DGLUCY: variants seen among roughly 807,000 people sequenced by gnomAD.
The protein encoded by DGLUCY is D-glutamate cyclase, mitochondrial.
In DGLUCY, 58 loss-of-function variants were observed where a neutral mutation model predicts 58.5. The observed-to-expected ratio is 0.99, with a 90% CI of 0.80 to 1.23. DGLUCY has a LOEUF of 1.23. Ranked by LOEUF, DGLUCY falls within the 50% of genes most tolerant of loss-of-function variation. The pLI is 0.00. For synonymous variants in DGLUCY, 325 were observed against 314.1 expected, an observed-to-expected ratio of 1.03 and a Z score of -0.37; for missense variants, 779 against 784.7, an observed-to-expected ratio of 0.99 and a Z score of 0.09.
intron 1 of DGLUCY, among the ~76,000 whole-genome samples, chr14:91,065,523 A>T (rs1215118729): frequency 3.9e-5 from 6 of 152,028 alleles, no homozygotes; most frequent in African/African-American, 1.2e-4. Flanking sequence ...AACAAAACAA[A>T]AATCTCCACC....
At chr14:91,218,394 T>C (rs911410245) in intron 13 of DGLUCY, among the ~76,000 whole-genome samples, 2 of 129,646 alleles carry the variant, frequency 1.5e-5, no homozygotes, top group Non-Finnish European at 3.3e-5. Context: ...ATAAAGAACA[T>C]AAAATGGGGA....
At chr14:91,076,564 A>T (rs1289492151) in intron 1 of DGLUCY, among the ~76,000 whole-genome samples, 1 of 152,130 alleles carries the variant, frequency 6.6e-6, no homozygotes, top group Non-Finnish European at 1.5e-5. Flanking sequence ...TGAGTGTTCC[A>T]ATAGGAACCT....
intron 1 of DGLUCY, among the ~76,000 whole-genome samples, chr14:91,155,656 C>T (rs1448716021): frequency 1.3e-5 from 2 of 151,966 alleles, no homozygotes; most frequent in Non-Finnish European, 2.9e-5. Flanking sequence ...ATTAGATGGG[C>T]GTGGTGGTGC....
chr14:91,087,772 C>T lies in DGLUCY; in HGVS notation c.-82+27068C>T, dbSNP rs138876420. 7.2e-5 allele frequency among the ~76,000 whole-genome samples: 11 copies of T among 152,254 alleles called. No individual in the cohort carries two copies. The East Asian group carries it at 1.5e-3, about 21-fold the overall frequency. ...GTGGACGCGTCAGGTTATAAATGAC[C>T]CTGTCTCCTTTGTTCAGTGTACTCT... On this transcript the variant is annotated intron_variant, in intron 1 of 4. Transcript: ENST00000521334.
At chr14:91,209,810 G>A (rs1410760415) in intron 12 of DGLUCY, among the ~76,000 whole-genome samples, 1 of 152,188 alleles carries the variant, frequency 6.6e-6, no homozygotes, top group Non-Finnish European at 1.5e-5. Context: ...CACTATATGT[G>A]TCTTTATATT....
At chr14:91,138,696 A>G (rs990014878) in intron 1 of DGLUCY, among the ~76,000 whole-genome samples, 7 of 152,102 alleles carry the variant, frequency 4.6e-5, no homozygotes, top group Admixed American at 2.0e-4. Flanking sequence ...TAAGCCATCA[A>G]ATCTCGTGAG....
chr14:91,079,573 CA>C (rs1275383025), intron 1 of DGLUCY, among the ~76,000 whole-genome samples: 4 of 152,182 alleles, frequency 2.6e-5, no homozygotes, highest in African/African-American at 9.6e-5. Flanking sequence ...GGGCTGGTCA[CA>C]AACATAAACA....
At chr14:91,136,752 T>G (rs952627381) in intron 1 of DGLUCY, among the ~76,000 whole-genome samples, 2 of 151,960 alleles carry the variant, frequency 1.3e-5, no homozygotes, top group Non-Finnish European at 2.9e-5. Context: ...GTGGATTACC[T>G]GAAGTCAGGA....
At chr14:91,157,265 G>GCGT (rs2047710069) in intron 1 of DGLUCY, among the ~76,000 whole-genome samples, 1 of 63,354 alleles carries the variant, frequency 1.6e-5, no homozygotes, top group Non-Finnish European at 3.2e-5. Flanking sequence ...ATGAATGAAT[G>GCGT]GGTGGATGGA....
intron 1 of DGLUCY, among the ~76,000 whole-genome samples, chr14:91,064,743 A>G (rs2043793980): frequency 6.6e-6 from 1 of 152,150 alleles, no homozygotes; most frequent in Non-Finnish European, 1.5e-5. Flanking sequence ...GAAGAAGGGA[A>G]TGGTCAGCTG....
intron 1 of DGLUCY, among the ~76,000 whole-genome samples, chr14:91,122,781 G>C (rs1363318053): frequency 6.6e-6 from 1 of 151,624 alleles, no homozygotes; most frequent in Non-Finnish European, 1.5e-5. Flanking sequence ...GCTAATTTTT[G>C]TATTTTTAGT....
chr14:91,112,035 C>T (rs997215441), upstream of DGLUCY, among the ~76,000 whole-genome samples: 45 of 151,450 alleles, frequency 3.0e-4, no homozygotes, highest in African/African-American at 1.0e-3. Flanking sequence ...GTCGGGAGTT[C>T]GAGACCAGCC....
intron 12 of DGLUCY, among the ~76,000 whole-genome samples, chr14:91,213,251 G>A (rs1034393336): frequency 1.3e-5 from 2 of 151,982 alleles, no homozygotes; most frequent in African/African-American, 4.8e-5. Context: ...CCTGGCCAAC[G>A]CAGTAAAACT....
In DGLUCY at chr14:91,117,986, G is replaced by A. The variant is rs534167323; in HGVS notation, c.-82+3703G>A. Among the ~76,000 whole-genome samples the A allele has an allele frequency of 2.0e-5, 3 of 152,116 alleles. No homozygotes were observed. In the East Asian group the frequency reaches 5.8e-4, roughly 29 times the overall value. On this transcript the variant is annotated intron_variant, in intron 1 of 13. Coordinates refer to ENST00000256324, the MANE Select transcript of DGLUCY (RefSeq NM_001102368.3). Reference sequence around the variant, plus strand: ...AATGCTTGGATTCAAGATAAAAGGGGTTGTGGAAGCCAAGGGCCAAGGTTC... The same window carrying A: ...AATGCTTGGATTCAAGATAAAAGGGATTGTGGAAGCCAAGGGCCAAGGTTC...
At chr14:91,080,954 A>G (rs368798994) in intron 1 of DGLUCY, among the ~76,000 whole-genome samples, 26 of 152,344 alleles carry the variant, frequency 1.7e-4, no homozygotes, top group African/African-American at 6.0e-4. Context: ...CTGTAATCCC[A>G]GCACTTTGGG....
intron 1 of DGLUCY, among the ~76,000 whole-genome samples, chr14:91,135,926 CTTTTTTTTTTTTTT>C (rs34202137): frequency 5.9e-5 from 3 of 51,216 alleles, no homozygotes; most frequent in African/African-American, 2.0e-4. Context: ...GATACATTAG[CTTTTTTTTTTTTTT>C]TTTTTTTTTT....
chr14:91,194,424 G>T (rs1280970373), intron 9 of DGLUCY, among the ~76,000 whole-genome samples: 1 of 152,076 alleles, frequency 6.6e-6, no homozygotes, highest in Admixed American at 6.6e-5. Flanking sequence ...CCAGCTTATG[G>T]CTTCACATGT....
At chr14:91,132,423 T>A (rs1328504307) in intron 1 of DGLUCY, among the ~76,000 whole-genome samples, 1 of 151,836 alleles carries the variant, frequency 6.6e-6, no homozygotes, top group Non-Finnish European at 1.5e-5. Context: ...ACAATTAGCT[T>A]AGCATGGTGG....
At chr14:91,222,134 AG>A (rs1389482906) in intron 13 of DGLUCY, among the ~76,000 whole-genome samples, 3 of 152,314 alleles carry the variant, frequency 2.0e-5, no homozygotes, top group Non-Finnish European at 4.4e-5. Context: ...CCTGCCCTCC[AG>A]CTGCTCCCTG....
Sources: gnomAD v4.1 joint callset for allele counts (sites outside exome capture counted in the v4.1 genomes callset) on GRCh38, gnomAD v4.1.1 for gene constraint, MANE v1.5 for transcripts, NCBI Gene and HGNC (gene_info 2026-07-23, HGNC 2026-07-21) for gene names.